Variants in LRRC75B observed in about 807,000 individuals in gnomAD.
LRRC75B encodes the protein leucine-rich repeat-containing protein 75B.
A neutral mutation model predicts 16.5 loss-of-function variants in LRRC75B; 20 were observed. The ratio of observed to expected loss-of-function variants is 1.21; its 90% CI spans 0.85 to 1.76. The LOEUF (loss-of-function observed/expected upper bound fraction) is 1.76, where lower values mean the gene tolerates loss of function less well. Ranked by LOEUF, LRRC75B falls within the 40% of genes most tolerant of loss-of-function variation. The probability of loss-of-function intolerance (pLI) is 0.00; values close to 1 mark genes in which losing one functional copy is unlikely to be tolerated. For synonymous variants in LRRC75B, 199 were observed against 198.1 expected (o/e 1.00, Z -0.04); for missense variants, 406 against 417.0 (o/e 0.97, Z 0.23).
intron 1 of LRRC75B, among the ~76,000 whole-genome samples, chr22:24,590,297 A>T (rs1018910346): frequency 4.1e-5 from 6 of 144,936 alleles, no homozygotes; most frequent in African/African-American, 1.4e-4. Context: ...TCAGCTAATT[A>T]AAAAAAAAAT....
chr22:24,592,999 C>G lies in LRRC75B; in HGVS notation c.41G>C (p.Gly14Ala), dbSNP rs563748821. The part of the protein sequence containing the change: ...RLGRRAGPEA[G>A]SEAGAAAGCG... Reference sequence around the variant, plus strand: ...GCCGGCCGCCGCCCCGGCCTCAGAGCCAGCCTCGGGCCCGGCCCGCCGGCC... The same window carrying G: ...GCCGGCCGCCGCCCCGGCCTCAGAGGCAGCCTCGGGCCCGGCCCGCCGGCC... The change falls in exon 1 of 4, where the codon GGC (glycine) becomes GCC (alanine). Residue 14 changes from glycine (G) to alanine (A), a missense_variant. By Grantham distance (60) the Gly-to-Ala change is moderately conservative. Transcript: ENST00000318753. The G allele has an allele frequency of 8.9e-3, 10,105 of 1,140,886 alleles. 69 individuals carry two copies. Among genetic ancestry groups the G allele is most frequent in the South Asian group, 0.015 (361 of 23,636 alleles). The allele number at this position is 1,140,886 out of a possible 1,614,324, so 70.7% of individuals were successfully genotyped here.
At chr22:24,589,773 C>T in intron 2 of LRRC75B, 48 bp downstream of exon 2, 1 of 1,536,366 alleles carries the variant, frequency 6.5e-7, no homozygotes, top group Non-Finnish European at 8.8e-7. Context: ...TGTTGGCCCC[C>T]CTGTCCACCA....
rs200554342 is a variant in LRRC75B, at chr22:24,586,025, C to T, written c.809G>A (p.Arg270His). 118 of 1,610,992 alleles carry T rather than the reference C, an allele frequency of 7.3e-5. No homozygotes were observed. The highest frequency in any genetic ancestry group is 9.2e-5 in the Non-Finnish European group (108 of 1,179,880). The change falls in exon 4 of 4, where the codon CGC becomes CAC. Residue 270 changes from arginine to histidine, a missense_variant. Arg to His is a conservative substitution (Grantham distance 29, BLOSUM62 0). Transcript: ENST00000318753. ...CTCGTAGATGGTGGGGAGTGAGGTGCGCTGGCTCAGCCGCCGGCGCAGGCC... is the reference window on the plus strand; with the variant it reads ...CTCGTAGATGGTGGGGAGTGAGGTGTGCTGGCTCAGCCGCCGGCGCAGGCC... ...LVGLRRRLSQ[R>H]TSLPTIYEGL...
At chr22:24,586,984 C>T (rs1216690025) in intron 3 of LRRC75B, among the ~76,000 whole-genome samples, 1 of 152,208 alleles carries the variant, frequency 6.6e-6, no homozygotes. Flanking sequence ...TCACTGTGTG[C>T]CCAGCATCCC....
In LRRC75B at chr22:24,586,172, G is replaced by A. The variant is rs777797143; in HGVS notation, c.662C>T (p.Thr221Met). 6.8e-6 allele frequency: 11 copies of A among 1,613,510 alleles called. No individual in the cohort carries two copies. Among genetic ancestry groups the A allele is most frequent in the Middle Eastern group, 1.6e-4 (1 of 6,084 alleles). ...AGTGAGCTTGCGGGCAGTGGCCCGC[G>A]TCAGTCGGTTGCCGTTGAGCAGGAG... is the stretch of plus-strand genomic sequence containing the variant. ...TQLLLNGNRL[T>M]RATARKLTDA... is the part of the protein sequence containing the mutation. The change falls in exon 4 of 4, where the codon ACG becomes ATG. Residue 221 changes from threonine to methionine, a missense_variant. Physicochemically the swap from Thr to Met is moderately conservative, Grantham distance 81 (BLOSUM62 -1). Coordinates refer to ENST00000318753, the MANE Select transcript of LRRC75B (RefSeq NM_207644.3).
chr22:24,588,326 A>T lies in LRRC75B; in HGVS notation c.310T>A (p.Tyr104Asn). 6.2e-7 allele frequency: 1 copy of T among 1,611,206 alleles called. No individual in the cohort carries two copies. The highest frequency in any genetic ancestry group is 8.5e-7 in the Non-Finnish European group (1 of 1,178,326). ...ARDLQCPKKD[Y>N]ELWKSSDKIC... ...TTGTCCGAGGACTTCCAGAGCTCAT[A>T]GTCCTGTGGGAGGGCAGTGTCACCA... The change falls in exon 3 of 4, where the codon TAT becomes AAT. Residue 104 changes from tyrosine (Y) to asparagine (N), a missense_variant. By Grantham distance (143) the Tyr-to-Asn change is moderately radical. Coordinates refer to ENST00000318753, the MANE Select transcript of LRRC75B (RefSeq NM_207644.3).
intron 3 of LRRC75B, among the ~76,000 whole-genome samples, chr22:24,587,634 T>TGGATGGAGTCACTCCA (rs2045436987): frequency 6.6e-6 from 1 of 152,018 alleles, no homozygotes; most frequent in Admixed American, 6.5e-5. Flanking sequence ...TGAGGCTCCA[T>TGGATGGAGTCACTCCA]GGATGGAGTC....
At chr22:24,589,314 G>A in intron 2 of LRRC75B, 1 of 1,190,450 alleles carries the variant, frequency 8.4e-7, no homozygotes, top group Non-Finnish European at 1.1e-6. Context: ...GCAAGGAGGA[G>A]GGCCTTGCTT....
chr22:24,589,913 G>C lies in LRRC75B; in HGVS notation c.214C>G (p.Leu72Val). The C allele has an allele frequency of 3.1e-6, 5 of 1,611,882 alleles. No homozygotes were observed. The highest frequency in any genetic ancestry group is 4.2e-6 in the Non-Finnish European group (5 of 1,179,032). Residue 72 changes from leucine to valine, a missense_variant, in exon 2 of 4, where the codon CTC (leucine) becomes GTC (valine). Leu to Val is a conservative substitution (Grantham distance 32, BLOSUM62 1). Transcript: ENST00000318753. ...GLERTLLPDI[L>V]YRDVAFLNPV... ...TTGAGGAAGGCCACATCTCTGTAGA[G>C]GATATCAGGAAGGAGGGTCCTCTCA...
At position 24,586,301 on chromosome 22, in the gene LRRC75B, T is replaced by C; in HGVS notation, c.533A>G (p.His178Arg). ...GTCCAGCACCGCCAGCACAGCACCA[T>C]GGCTGCTCAGGTAGCGTGTGATGTG... ...VQHITRYLSS[H>R]GAVLAVLDLS... Residue 178 changes from histidine (H) to arginine (R), a missense_variant, in exon 4 of 4, where the codon CAT (histidine) becomes CGT (arginine). Physicochemically the swap from His to Arg is conservative, Grantham distance 29. Coordinates refer to ENST00000318753, the MANE Select transcript of LRRC75B (RefSeq NM_207644.3). The C allele has an allele frequency of 1.2e-6, 2 of 1,614,010 alleles. No homozygotes were observed. The highest frequency in any genetic ancestry group is 1.7e-6 in the Non-Finnish European group (2 of 1,180,050).
rs78105003 is a variant in LRRC75B, at chr22:24,592,009, C to T, written c.177+854G>A. The stretch of plus-strand genomic sequence containing the variant: ...TGTGGGCCCTGGGGTGACCACTTCG[C>T]TCCATGCCTCAGTTTCCCCATTTCT... On this transcript the variant is annotated intron_variant, in intron 1 of 3. Transcript: ENST00000318753. 4.5e-3 allele frequency among the ~76,000 whole-genome samples: 685 copies of T among 152,354 alleles called. 6 individuals are homozygous for T. Among genetic ancestry groups the T allele is most frequent in the African/African-American group, 0.016 (655 of 41,586 alleles).
chr22:24,586,487 G>A (rs1601584774), intron 3 of LRRC75B, 76 bp from the exon 4 acceptor site: 21 of 1,460,976 alleles, frequency 1.4e-5, no homozygotes, highest in South Asian at 2.6e-5. Flanking sequence ...GTGACCTGTC[G>A]GGAACAGCCC....
At chr22:24,588,505 A>G in intron 2 of LRRC75B, 176 bp from the exon 3 acceptor site, 2 of 757,412 alleles carry the variant, frequency 2.6e-6, no homozygotes, top group South Asian at 3.5e-5. Context: ...GTGGCCTGGC[A>G]CAGAGCCAGG....
intron 2 of LRRC75B, chr22:24,588,794 C>T (rs933077968): frequency 1.9e-5 from 19 of 1,019,450 alleles, no homozygotes; most frequent in Middle Eastern, 4.9e-4. Context: ...ACTCTCCAAG[C>T]GAGACTGCGC....
chr22:24,586,683 C>T (rs190200630), intron 3 of LRRC75B, among the ~76,000 whole-genome samples: 101 of 152,374 alleles, frequency 6.6e-4, no homozygotes, highest in African/African-American at 2.3e-3. Context: ...AGGCATGTGC[C>T]ACCACGCCTG....
At chr22:24,590,060 C>G in intron 1 of LRRC75B, 111 bp from the exon 2 acceptor site, 1 of 1,284,486 alleles carries the variant, frequency 7.8e-7, no homozygotes, top group Non-Finnish European at 1.0e-6. Flanking sequence ...CCATCTCCTC[C>G]CTAAGGCTGG....
At chr22:24,592,317 G>C (rs1312957013) in intron 1 of LRRC75B, 6 of 470,048 alleles carry the variant, frequency 1.3e-5, no homozygotes, top group Non-Finnish European at 2.2e-5. Context: ...TTGGAGAACT[G>C]GTGATGCATG....
At chr22:24,589,502 G>GCGGGTCA in intron 2 of LRRC75B, 6 of 519,350 alleles carry the variant, frequency 1.2e-5, no homozygotes, top group Non-Finnish European at 1.6e-5. Context: ...TCTGTGACCC[G>GCGGGTCA]CAGGGTCCCC....
chr22:24,589,878 G>A lies in LRRC75B; in HGVS notation c.249C>T (p.Asp83=), dbSNP rs752345998. The A allele has an allele frequency of 1.2e-6, 2 of 1,613,840 alleles. No homozygotes were observed. The highest frequency in any genetic ancestry group is 1.7e-6 in the Non-Finnish European group (2 of 1,179,932). ...YRDVAFLNPV[D]PISHDLLVNL... The stretch of plus-strand genomic sequence containing the variant: ...TCACAAGCAGGTCATGGGAGATGGG[G>A]TCGACCGGGTTGAGGAAGGCCACAT... Residue 83 remains aspartate, a synonymous_variant, in exon 2 of 4, where the codon GAC becomes GAT. Coordinates refer to ENST00000318753, the MANE Select transcript of LRRC75B (RefSeq NM_207644.3).
Sources: gnomAD v4.1 joint callset for allele counts (sites outside exome capture counted in the v4.1 genomes callset) on GRCh38, gnomAD v4.1.1 for gene constraint, MANE v1.5 for transcripts, NCBI Gene and HGNC (gene_info 2026-07-23, HGNC 2026-07-21) for gene names.